Variants in SV2B observed in about 807,000 individuals in gnomAD.
SV2B encodes synaptic vesicle glycoprotein 2B.
In SV2B, 41 loss-of-function variants were observed where a neutral mutation model predicts 73.9. That is an observed-to-expected ratio of 0.56 (90% CI 0.43 to 0.72). SV2B has a LOEUF of 0.72. Ranked by LOEUF, SV2B falls within the 30% of genes least tolerant of loss-of-function variation. The pLI, the probability that SV2B is intolerant of heterozygous loss-of-function variation, is 0.00. For synonymous variants in SV2B, 314 were observed against 314.2 expected (o/e 1.00, Z 0.01); for missense variants, 764 against 857.8 (o/e 0.89, Z 1.37).
chr15:91,297,053 CGCT>C lies in SV2B; in HGVS notation c.*4502_*4504del, dbSNP rs1301645619. 3.3e-5 allele frequency: 5 copies of C among 152,590 alleles called. No homozygotes were observed. The highest frequency in any genetic ancestry group is 1.2e-4 in the African/African-American group (5 of 40,548). The allele number at this position is 152,590 out of a possible 1,614,324, so 9.5% of individuals were successfully genotyped here. A position where few individuals can be genotyped will look rare whatever the true frequency, so the allele number is the denominator to read the frequency against. On this transcript the variant is annotated 3_prime_UTR_variant, in exon 13 of 13. Transcript: ENST00000394232. This position sits in a 1 kb window ranked among gnomAD's most constrained non-coding sequence, Gnocchi z 5.1. ...TTCTTCTGCCTGATCGTTGGGCGCA[CGCT>C]CCTTCTGCCTGATCGTTGGGCGCAC...
rs374276272 is a variant in SV2B at position 91,222,058 on chromosome 15, C to T, written c.-391-3815C>T. Among the ~76,000 whole-genome samples, 81 of 152,328 alleles carry T rather than the reference C, an allele frequency of 5.3e-4. 1 individual carries two copies. In the South Asian group the frequency reaches 0.015, roughly 28 times the overall value. On this transcript the variant is annotated intron_variant, in intron 1 of 12. Transcript: ENST00000394232. Reference sequence around the variant, plus strand: ...CATGCCTCTGCATAGCCTTGTCCTCCAGCCTGCAGTGCCTTCCTCTCCATT... The same window carrying T: ...CATGCCTCTGCATAGCCTTGTCCTCTAGCCTGCAGTGCCTTCCTCTCCATT...
chr15:91,187,987 T>C (rs571944907), intron 1 of SV2B, among the ~76,000 whole-genome samples: 3 of 152,276 alleles, frequency 2.0e-5, no homozygotes, highest in African/African-American at 7.2e-5. Context: ...GTACTCAAAA[T>C]ATCCAAGTAT....
chr15:91,110,226 T>C lies in SV2B; in HGVS notation c.-392+9863T>C, dbSNP rs1194075810. 6.6e-6 allele frequency among the ~76,000 whole-genome samples: 1 copy of C among 152,220 alleles called. No individual in the cohort carries two copies. The highest frequency in any genetic ancestry group is 2.4e-5 in the African/African-American group (1 of 41,464). Reference sequence around the variant, plus strand: ...GTAATTTATAAGAAAAGAGGTTTAATTGGCTCCTGGATTCATACAGTAAGT... The same window carrying C: ...GTAATTTATAAGAAAAGAGGTTTAACTGGCTCCTGGATTCATACAGTAAGT... On this transcript the variant is annotated intron_variant, in intron 1 of 12. Transcript: ENST00000394232. This position sits in a 1 kb window ranked among gnomAD's most constrained non-coding sequence, Gnocchi z 5.4.
intron 9 of SV2B, among the ~76,000 whole-genome samples, chr15:91,272,914 T>C (rs2048363896): frequency 6.9e-6 from 1 of 145,764 alleles, no homozygotes; most frequent in African/African-American, 2.5e-5. Flanking sequence ...CTCACTACAG[T>C]CTCCGCCTCC....
intron 1 of SV2B, among the ~76,000 whole-genome samples, chr15:91,158,023 G>T (rs1051334132): frequency 6.6e-6 from 1 of 152,132 alleles, no homozygotes; most frequent in African/African-American, 2.4e-5. Flanking sequence ...TCTGACCTCT[G>T]TATGTCCATG....
At chr15:91,251,371 C>T (rs181759126) in intron 2 of SV2B, among the ~76,000 whole-genome samples, 1 of 152,234 alleles carries the variant, frequency 6.6e-6, no homozygotes, top group Non-Finnish European at 1.5e-5. Flanking sequence ...ACATAGCCAG[C>T]CTTGCTGGCA....
chr15:91,150,862 G>A (rs1048549915), intron 1 of SV2B, among the ~76,000 whole-genome samples: 2 of 152,246 alleles, frequency 1.3e-5, no homozygotes, highest in Non-Finnish European at 2.9e-5. Context: ...GCAGAGACAA[G>A]AGAACAGATG....
At chr15:91,181,219 A>G (rs996039611) in intron 1 of SV2B, among the ~76,000 whole-genome samples, 15 of 152,096 alleles carry the variant, frequency 9.9e-5, no homozygotes, top group Admixed American at 7.2e-4. Context: ...ATTTTTGTGA[A>G]CTGCAAATGC....
chr15:91,143,205 A>G (rs2043047409), intron 1 of SV2B, among the ~76,000 whole-genome samples: 1 of 152,174 alleles, frequency 6.6e-6, no homozygotes, highest in Non-Finnish European at 1.5e-5. Flanking sequence ...GATGGGAGGT[A>G]CCCACATAGG....
chr15:91,103,297 CTG>C (rs1211785703), intron 1 of SV2B, among the ~76,000 whole-genome samples: 3 of 152,182 alleles, frequency 2.0e-5, no homozygotes, highest in African/African-American at 7.2e-5. Flanking sequence ...GGATGGAGGA[CTG>C]TGTTTGTGCT....
chr15:91,262,225 G>T (rs1191545377), intron 6 of SV2B, among the ~76,000 whole-genome samples: 1 of 152,066 alleles, frequency 6.6e-6, no homozygotes, highest in East Asian at 1.9e-4. Flanking sequence ...TATATATGTG[G>T]CTATTGTAAG....
At chr15:91,144,159 G>A (rs1375373502) in intron 1 of SV2B, among the ~76,000 whole-genome samples, 1 of 152,206 alleles carries the variant, frequency 6.6e-6, no homozygotes, top group Non-Finnish European at 1.5e-5. Flanking sequence ...GCCAGATAAT[G>A]TTTATACACC....
intron 6 of SV2B, among the ~76,000 whole-genome samples, chr15:91,266,308 G>A (rs914995131): frequency 2.0e-5 from 3 of 152,278 alleles, no homozygotes; most frequent in Middle Eastern, 3.4e-3. Flanking sequence ...TTGCCCAGTC[G>A]CATCTGTATT....
Position 91,292,747 on chromosome 15 carries a change from T to G in SV2B, c.*195T>G. ...TCAGGTGACTGATTTGGGGGTGCCC[T>G]GAGCCACCCTTAGAATCACAGAGCT... is the stretch of plus-strand genomic sequence containing the variant. On this transcript the variant is annotated 3_prime_UTR_variant, in exon 13 of 13. Transcript: ENST00000394232. 1.7e-6 allele frequency: 1 copy of G among 579,530 alleles called. No individual in the cohort carries two copies. Among genetic ancestry groups the G allele is most frequent in the Non-Finnish European group, 2.8e-6 (1 of 352,030 alleles). 35.9% of individuals were successfully genotyped at this position (579,530 alleles called of 1,614,324 possible).
intron 7 of SV2B, 164 bp downstream of exon 7, chr15:91,266,856 T>A: frequency 1.8e-6 from 1 of 542,268 alleles, no homozygotes; most frequent in Non-Finnish European, 3.2e-6. Flanking sequence ...CACGTCTGCC[T>A]CTAGCTTGCT....
intron 1 of SV2B, among the ~76,000 whole-genome samples, chr15:91,204,090 G>T (rs774539952): frequency 6.6e-6 from 1 of 152,148 alleles, no homozygotes; most frequent in African/African-American, 2.4e-5. Flanking sequence ...CTTTCAAACT[G>T]CTAGTGGGCT....
chr15:91,214,476 A>G lies in SV2B; in HGVS notation c.-391-11397A>G, dbSNP rs1279442341. ...GAAAATGTTAACTCATTTAATTCTC[A>G]TAACAATGCAATGAATAGGAATCCT... On this transcript the variant is annotated intron_variant, in intron 1 of 12. Coordinates refer to ENST00000394232, the MANE Select transcript of SV2B (RefSeq NM_001323032.3). This position sits in a 1 kb window ranked among gnomAD's most constrained non-coding sequence, Gnocchi z 4.7. 3.3e-5 allele frequency among the ~76,000 whole-genome samples: 5 copies of G among 152,230 alleles called. No homozygotes were observed. The highest frequency in any genetic ancestry group is 7.3e-5 in the Non-Finnish European group (5 of 68,048).
chr15:91,139,363 A>G lies in SV2B; in HGVS notation c.-392+39000A>G, dbSNP rs2042936100. On this transcript the variant is annotated intron_variant, in intron 1 of 12. Transcript: ENST00000394232. The surrounding 1 kb of genome is among the most constrained non-coding windows in gnomAD (Gnocchi z 5.2). ...ATAAAATGTTAAAAAAAAAGAAGTA[A>G]GGGAAACTTCCAAGGAACCTCTCTC... Among the ~76,000 whole-genome samples, 1 of 152,144 alleles carries G rather than the reference A, an allele frequency of 6.6e-6. No individual in the cohort carries two copies. The highest frequency in any genetic ancestry group is 2.1e-4 in the South Asian group (1 of 4,828).
At chr15:91,147,961 C>A (rs1037827239) in intron 1 of SV2B, among the ~76,000 whole-genome samples, 5 of 141,344 alleles carry the variant, frequency 3.5e-5, no homozygotes, top group African/African-American at 1.0e-4. Flanking sequence ...CGCACCCCCC[C>A]CAACTTTTTT....
Sources: gnomAD v4.1 joint callset for allele counts (sites outside exome capture counted in the v4.1 genomes callset) on GRCh38, gnomAD v4.1.1 for gene constraint, Gnocchi (gnomAD v3.1) non-coding constraint, MANE v1.5 for transcripts, NCBI Gene and HGNC (gene_info 2026-07-23, HGNC 2026-07-21) for gene names.